TAPT1: variants seen among roughly 807,000 people sequenced by gnomAD.
TAPT1 encodes the protein transmembrane anterior posterior transformation protein 1 homolog.
Under a neutral mutation model 65.6 loss-of-function variants are expected in TAPT1, and 28 were observed. That is an observed-to-expected ratio of 0.43 (90% CI 0.32 to 0.59). The LOEUF is 0.59. Among genes scored for constraint, TAPT1 ranks in the 20% least tolerant of loss-of-function variants. The pLI is 0.09. For missense variants in TAPT1, 563 were observed against 679.9 expected, an observed-to-expected ratio of 0.83 and a Z score of 1.91; for synonymous variants, 278 against 245.2, an observed-to-expected ratio of 1.13 and a Z score of -1.25.
chr4:16,182,917 A>G (rs1748793931), intron 7 of TAPT1: 1 of 152,234 alleles, frequency 6.6e-6, no homozygotes, highest in Non-Finnish European at 1.5e-5. Flanking sequence ...AGATTTCTCC[A>G]TGAAGTCTTC....
intron 2 of TAPT1, among the ~76,000 whole-genome samples, chr4:16,209,425 T>C (rs1388673913): frequency 6.6e-6 from 1 of 152,230 alleles, no homozygotes; most frequent in East Asian, 1.9e-4. Context: ...ACTCAAAATA[T>C]AGATGGAGCA....
At chr4:16,197,342 G>A (rs1749769631) in intron 3 of TAPT1, among the ~76,000 whole-genome samples, 1 of 152,184 alleles carries the variant, frequency 6.6e-6, no homozygotes, top group African/African-American at 2.4e-5. Context: ...ACTTAAGCCT[G>A]TTCAACTCAT....
intron 2 of TAPT1, among the ~76,000 whole-genome samples, chr4:16,212,984 C>A (rs968680098): frequency 1.3e-5 from 2 of 152,214 alleles, no homozygotes; most frequent in African/African-American, 4.8e-5. Flanking sequence ...ATCCAGCCAA[C>A]CAAACTCTTC....
intron 10 of TAPT1, 31 bp from the exon 11 acceptor site, chr4:16,174,303 T>C (rs750590509): frequency 9.0e-6 from 14 of 1,556,660 alleles, no homozygotes; most frequent in African/African-American, 1.4e-5. Flanking sequence ...AAGATTCAGA[T>C]TTATGGGATT....
At chr4:16,188,642 C>T (rs1439423307) in intron 4 of TAPT1, among the ~76,000 whole-genome samples, 1 of 148,690 alleles carries the variant, frequency 6.7e-6, no homozygotes, top group African/African-American at 2.5e-5. Context: ...CACATCTGGC[C>T]GGGCACGGTG....
intron 3 of TAPT1, among the ~76,000 whole-genome samples, chr4:16,199,238 A>G (rs1241499167): frequency 2.6e-5 from 4 of 152,202 alleles, no homozygotes; most frequent in Admixed American, 6.5e-5. Flanking sequence ...TGATAGCATG[A>G]AATTAATTTT....
chr4:16,163,739 T>G (rs1367130812), intron 13 of TAPT1, among the ~76,000 whole-genome samples: 1 of 152,176 alleles, frequency 6.6e-6, no homozygotes, highest in Non-Finnish European at 1.5e-5. Context: ...TTGTTCAACT[T>G]TATGGAAGGG....
chr4:16,205,526 G>T (rs185060068), intron 2 of TAPT1, among the ~76,000 whole-genome samples: 1 of 152,130 alleles, frequency 6.6e-6, no homozygotes, highest in East Asian at 1.9e-4. Flanking sequence ...GACACAAACC[G>T]CATGCTAAGT....
At chr4:16,225,038 T>C (rs1170820584) in intron 1 of TAPT1, among the ~76,000 whole-genome samples, 1 of 152,246 alleles carries the variant, frequency 6.6e-6, no homozygotes, top group East Asian at 1.9e-4. Flanking sequence ...TTTGTCTTAC[T>C]GAGATCCTGC....
intron 2 of TAPT1, among the ~76,000 whole-genome samples, chr4:16,207,018 G>C (rs73130453): frequency 0.17 from 26,353 of 152,036 alleles, 2,811 homozygotes; most frequent in East Asian, 0.31. Context: ...GGAGAGAAGG[G>C]GAGAAGCACC....
intron 3 of TAPT1, among the ~76,000 whole-genome samples, chr4:16,201,058 A>G (rs1749997236): frequency 6.6e-6 from 1 of 152,262 alleles, no homozygotes; most frequent in Non-Finnish European, 1.5e-5. Context: ...AATATAGCAT[A>G]TAACAATGAC....
At chr4:16,204,367 C>T (rs1288935040) in intron 2 of TAPT1, among the ~76,000 whole-genome samples, 1 of 152,216 alleles carries the variant, frequency 6.6e-6, no homozygotes, top group Non-Finnish European at 1.5e-5. Flanking sequence ...TGGGAACACA[C>T]TGGGAAGTTC....
intron 7 of TAPT1, among the ~76,000 whole-genome samples, chr4:16,179,975 T>C (rs535421916): frequency 5.9e-4 from 90 of 152,290 alleles, no homozygotes; most frequent in Admixed American, 1.5e-3. Flanking sequence ...CCAATGGGCT[T>C]TGGGGACATA....
intron 7 of TAPT1, among the ~76,000 whole-genome samples, chr4:16,184,977 G>A (rs1053670990): frequency 6.6e-6 from 1 of 152,084 alleles, no homozygotes; most frequent in African/African-American, 2.4e-5. Flanking sequence ...AAGAAGTCCA[G>A]TTTCTCTCTT....
intron 1 of TAPT1, 25 bp downstream of exon 1, chr4:16,226,234 C>T: frequency 9.0e-7 from 1 of 1,109,896 alleles, no homozygotes. Flanking sequence ...CGGAGCCCGC[C>T]ACGGCCTAGC....
chr4:16,179,691 T>G (rs1020637482), intron 7 of TAPT1, 34 bp from the exon 8 acceptor site: 12 of 1,148,318 alleles, frequency 1.0e-5, no homozygotes, highest in Middle Eastern at 2.4e-4. Flanking sequence ...AGTACTGTAG[T>G]GTATATAAAC....
chr4:16,162,835 A>G lies in TAPT1; in HGVS notation c.*473T>C, dbSNP rs756305018. The G allele has an allele frequency of 2.5e-5, 8 of 322,452 alleles. No homozygotes were observed. Among genetic ancestry groups the G allele is most frequent in the Non-Finnish European group, 3.8e-5 (6 of 156,322 alleles). The allele number at this position is 322,452 out of a possible 1,614,324, so 20.0% of individuals were successfully genotyped here. ...GAACATTTATCTTGACTTATGTTTA[A>G]TTTTTTTAATGCTTTGGCAGATGAA... On this transcript the variant is annotated 3_prime_UTR_variant, in exon 14 of 14. Transcript: ENST00000405303.
intron 2 of TAPT1, among the ~76,000 whole-genome samples, chr4:16,211,216 C>T (rs1314850168): frequency 7.8e-6 from 1 of 128,188 alleles, no homozygotes; most frequent in Non-Finnish European, 1.6e-5. Context: ...AATATCATAG[C>T]ATTCATCGAA....
intron 11 of TAPT1, 129 bp from the exon 12 acceptor site, chr4:16,170,858 G>T (rs1578412323): frequency 1.6e-6 from 1 of 643,508 alleles, no homozygotes; most frequent in East Asian, 2.8e-5. Context: ...TATGGCCTTT[G>T]TCTAAAAATC....
Sources: allele counts gnomAD v4.1 joint callset (sites outside exome capture counted in the v4.1 genomes callset), GRCh38; gene constraint gnomAD v4.1.1; transcripts MANE v1.5; gene names NCBI Gene and HGNC (gene_info 2026-07-23, HGNC 2026-07-21).